PRKACB: variants seen among roughly 807,000 people sequenced by gnomAD.
PRKACB encodes cAMP-dependent protein kinase catalytic subunit beta.
A neutral mutation model predicts 51.4 loss-of-function variants in PRKACB; 16 were observed. The observed-to-expected ratio is 0.31, with a 90% CI of 0.21 to 0.47. The LOEUF (loss-of-function observed/expected upper bound fraction) is 0.47. Among genes scored for constraint, PRKACB ranks in the 20% least tolerant of loss-of-function variants. The pLI, the probability that PRKACB is intolerant of heterozygous loss-of-function variation, is 1.00. For missense variants in PRKACB, 309 were observed against 464.5 expected, an observed-to-expected ratio of 0.67 and a Z score of 3.08; for synonymous variants, 147 against 154.4, an observed-to-expected ratio of 0.95 and a Z score of 0.35.
chr1:84,229,083 C>A, intron 9 of PRKACB, among the ~76,000 whole-genome samples: 1 of 120,156 alleles, frequency 8.3e-6, no homozygotes, highest in Non-Finnish European at 1.7e-5. Context: ...CCTCCCCCCT[C>A]CCCCCACCCC....
chr1:84,205,247 GT>G, intron 8 of PRKACB: 1 of 984,690 alleles, frequency 1.0e-6, no homozygotes, highest in Non-Finnish European at 1.2e-6. Flanking sequence ...ATTATGTGAA[GT>G]TAGATTGTAT....
chr1:84,200,860 T>A (rs1669894413), intron 7 of PRKACB, among the ~76,000 whole-genome samples: 1 of 152,154 alleles, frequency 6.6e-6, no homozygotes, highest in South Asian at 2.1e-4. Context: ...GTCTTGTCTC[T>A]GACTTTTTTC....
chr1:84,086,896 A>G (rs34880060), intron 1 of PRKACB, among the ~76,000 whole-genome samples: 10,280 of 152,234 alleles, frequency 0.068, 393 homozygotes, highest in Middle Eastern at 0.11. Context: ...TTGCCCCTTA[A>G]CTGGCCTGTT....
At chr1:84,185,521 A>G (rs889736478) in intron 5 of PRKACB, among the ~76,000 whole-genome samples, 12 of 151,782 alleles carry the variant, frequency 7.9e-5, no homozygotes, top group African/African-American at 2.7e-4. Context: ...CAACTCCAGG[A>G]CAGAGGATTG....
chr1:84,232,586 C>A (rs1675897520), intron 9 of PRKACB, among the ~76,000 whole-genome samples: 1 of 152,038 alleles, frequency 6.6e-6, no homozygotes. Context: ...CTTTATGAAT[C>A]TGGGTGCTCC....
intron 5 of PRKACB, among the ~76,000 whole-genome samples, chr1:84,195,981 T>C (rs1228934908): frequency 6.6e-6 from 1 of 152,124 alleles, no homozygotes; most frequent in Non-Finnish European, 1.5e-5. Context: ...TGTGAATCTA[T>C]GTAAACAAGC....
At chr1:84,191,596 A>C (rs537164123) in intron 5 of PRKACB, among the ~76,000 whole-genome samples, 3 of 152,112 alleles carry the variant, frequency 2.0e-5, no homozygotes, top group Non-Finnish European at 4.4e-5. Context: ...CAAATACTTC[A>C]TGTTTTTACT....
At chr1:84,199,130 T>TAC (rs1300067445) in intron 7 of PRKACB, among the ~76,000 whole-genome samples, 7 of 146,760 alleles carry the variant, frequency 4.8e-5, no homozygotes, top group African/African-American at 1.7e-4. Context: ...TATATATATA[T>TAC]ATACACACAC....
chr1:84,120,316 T>C (rs1650957757), intron 1 of PRKACB, among the ~76,000 whole-genome samples: 1 of 152,162 alleles, frequency 6.6e-6, no homozygotes, highest in Non-Finnish European at 1.5e-5. Flanking sequence ...TACATACTTT[T>C]GTCTCACATT....
chr1:84,120,825 G>A (rs1056045347), intron 1 of PRKACB, among the ~76,000 whole-genome samples: 1 of 151,894 alleles, frequency 6.6e-6, no homozygotes, highest in Non-Finnish European at 1.5e-5. Context: ...CAGTGAAATA[G>A]GGTGGTGATA....
upstream of PRKACB, among the ~76,000 whole-genome samples, chr1:84,142,217 A>G (rs993412328): frequency 2.6e-5 from 4 of 152,172 alleles, no homozygotes; most frequent in African/African-American, 9.6e-5. Context: ...ATATAAATTC[A>G]TAAACAGTAC....
intron 1 of PRKACB, among the ~76,000 whole-genome samples, chr1:84,145,488 C>G (rs1408354039): frequency 1.3e-5 from 2 of 152,048 alleles, no homozygotes; most frequent in Admixed American, 6.5e-5. Flanking sequence ...ACAGCAAAAT[C>G]AAGAATGGCT....
At chr1:84,124,246 T>G (rs1651358740) in intron 1 of PRKACB, among the ~76,000 whole-genome samples, 1 of 152,168 alleles carries the variant, frequency 6.6e-6, no homozygotes, top group Non-Finnish European at 1.5e-5. Flanking sequence ...GTTAATATAT[T>G]TTAGGAACTA....
chr1:84,123,050 A>G (rs990919676), intron 1 of PRKACB, among the ~76,000 whole-genome samples: 3 of 152,192 alleles, frequency 2.0e-5, no homozygotes, highest in African/African-American at 4.8e-5. Context: ...CCGTTCTGCC[A>G]TGGTTGGCAG....
At chr1:84,223,527 C>A (rs1674088298) in intron 9 of PRKACB, among the ~76,000 whole-genome samples, 1 of 151,864 alleles carries the variant, frequency 6.6e-6, no homozygotes, top group Non-Finnish European at 1.5e-5. Flanking sequence ...CGCCACCATG[C>A]CCCGGCTAAT....
At chr1:84,113,134 T>C (rs1422549467) in intron 1 of PRKACB, among the ~76,000 whole-genome samples, 1 of 152,152 alleles carries the variant, frequency 6.6e-6, no homozygotes, top group African/African-American at 2.4e-5. Flanking sequence ...CAGTGAAATA[T>C]GATTTAAAAT....
At chr1:84,184,525 C>A (rs1329487011) in intron 4 of PRKACB, among the ~76,000 whole-genome samples, 1 of 151,768 alleles carries the variant, frequency 6.6e-6, no homozygotes, top group Non-Finnish European at 1.5e-5. Context: ...CTAGTCTTTT[C>A]ACTTATACAA....
chr1:84,202,697 A>G lies in PRKACB; in HGVS notation c.798A>G (p.Ala266=), dbSNP rs1348202191. ...EIILSKGYNK[A]VDWWALGVLI... The stretch of plus-strand genomic sequence containing the variant: ...GTTTATCTCAGGGCTACAATAAGGC[A>G]GTGGATTGGTGGGCATTAGGAGTGC... The change falls in exon 8 of 10, where the codon GCA becomes GCG. Residue 266 remains alanine (A), a synonymous_variant. Coordinates refer to ENST00000370685, the MANE Select transcript of PRKACB (RefSeq NM_182948.4). 3 of 1,609,412 alleles carry G rather than the reference A, an allele frequency of 1.9e-6. No individual in the cohort carries two copies. In the Admixed American group the frequency reaches 5.0e-5, roughly 27 times the overall value.
intron 1 of PRKACB, among the ~76,000 whole-genome samples, chr1:84,116,011 TTTG>T (rs1179579329): frequency 2.0e-5 from 3 of 151,980 alleles, no homozygotes; most frequent in Admixed American, 6.6e-5. Context: ...TGTAATCCAT[TTTG>T]AGTTGATGTT....
Sources: allele counts gnomAD v4.1 joint callset (sites outside exome capture counted in the v4.1 genomes callset), GRCh38; gene constraint gnomAD v4.1.1; transcripts MANE v1.5; gene names NCBI Gene and HGNC (gene_info 2026-07-23, HGNC 2026-07-21).